SOHLH2: variants seen among roughly 807,000 people sequenced by gnomAD.
The protein encoded by SOHLH2 is spermatogenesis and oogenesis specific basic helix-loop-helix 2.
A neutral mutation model predicts 50.4 loss-of-function variants in SOHLH2; 22 were observed. The observed-to-expected ratio is 0.44, with a 90% CI of 0.31 to 0.62. SOHLH2 has a LOEUF of 0.62. SOHLH2 is among the 20% of genes least tolerant of loss of function. The probability of loss-of-function intolerance (pLI) is 0.08; values close to 1 mark genes in which losing one functional copy is unlikely to be tolerated. For synonymous variants in SOHLH2, 185 were observed against 187.3 expected, an observed-to-expected ratio of 0.99 and a Z score of 0.10; for missense variants, 412 against 504.4, an observed-to-expected ratio of 0.82 and a Z score of 1.76.
chr13:36,197,639 T>C (rs1476298033), intron 2 of SOHLH2, among the ~76,000 whole-genome samples: 2 of 152,212 alleles, frequency 1.3e-5, no homozygotes, highest in Non-Finnish European at 2.9e-5. Flanking sequence ...TTACCCACTA[T>C]TCTGTCCGTG....
At chr13:36,205,567 T>G (rs1054094807) in intron 1 of SOHLH2, among the ~76,000 whole-genome samples, 1 of 152,140 alleles carries the variant, frequency 6.6e-6, no homozygotes, top group Admixed American at 6.5e-5. Context: ...TTTCCTAATG[T>G]CAAGCCATCA....
chr13:36,182,757 T>A (rs1887292649), intron 6 of SOHLH2: 1 of 152,270 alleles, frequency 6.6e-6, no homozygotes. Context: ...AATCATGAGA[T>A]ATGATAAACA....
Position 36,201,865 on chromosome 13 carries a change from C to T in SOHLH2, c.263+14G>A. ...TGATTCTAAAGATACAGCATCAAGG[C>T]TTTTGAAGTTTACCTAATTAACTTG... is the stretch of plus-strand genomic sequence containing the variant. On this transcript the variant is annotated intron_variant, in intron 2 of 10. Transcript: ENST00000379881. 6.2e-7 allele frequency: 1 copy of T among 1,613,966 alleles called. No homozygotes were observed. The highest frequency in any genetic ancestry group is 1.3e-5 in the African/African-American group (1 of 75,028).
intron 2 of SOHLH2, among the ~76,000 whole-genome samples, chr13:36,194,078 A>C (rs1175058632): frequency 6.6e-6 from 1 of 151,978 alleles, no homozygotes; most frequent in African/African-American, 2.4e-5. Flanking sequence ...ATGAAAAAAA[A>C]AAGCCTAAAC....
At chr13:36,193,301 A>G (rs575609932) in intron 4 of SOHLH2, among the ~76,000 whole-genome samples, 1 of 152,326 alleles carries the variant, frequency 6.6e-6, no homozygotes, top group East Asian at 1.9e-4. Context: ...TGGCTTTTAG[A>G]TAATCACACA....
intron 6 of SOHLH2, chr13:36,182,121 G>T: frequency 1.0e-6 from 1 of 985,336 alleles, no homozygotes. Context: ...AGAAAAAAGT[G>T]TCCTTGTACT....
chr13:36,182,169 G>C, intron 6 of SOHLH2: 1 of 985,360 alleles, frequency 1.0e-6, no homozygotes, highest in Non-Finnish European at 1.2e-6. Context: ...GACTGAGTGG[G>C]GAAATGCAGG....
chr13:36,209,208 A>G (rs1868961969), intron 1 of SOHLH2, among the ~76,000 whole-genome samples: 1 of 152,086 alleles, frequency 6.6e-6, no homozygotes, highest in African/African-American at 2.4e-5. Flanking sequence ...ATTTTTTTAT[A>G]TAATTTCAAT....
chr13:36,185,101 T>C (rs1429920673), intron 6 of SOHLH2, among the ~76,000 whole-genome samples: 1 of 152,256 alleles, frequency 6.6e-6, no homozygotes, highest in Non-Finnish European at 1.5e-5. Flanking sequence ...GGACATGAAC[T>C]CATTCTTTGT....
At chr13:36,180,646 T>TG (rs1368885980) in intron 6 of SOHLH2, among the ~76,000 whole-genome samples, 5 of 151,504 alleles carry the variant, frequency 3.3e-5, no homozygotes, top group Admixed American at 2.6e-4. Context: ...CTTAGAAGTT[T>TG]TTTTTTTTTT....
intron 6 of SOHLH2, among the ~76,000 whole-genome samples, chr13:36,180,843 T>C (rs1202404596): frequency 1.3e-5 from 2 of 152,172 alleles, no homozygotes; most frequent in Admixed American, 6.6e-5. Context: ...AGGAGTCTTC[T>C]GCTGCAGTTG....
chr13:36,190,250 T>C (rs1348201283), intron 5 of SOHLH2, among the ~76,000 whole-genome samples, 194 bp from the exon 6 acceptor site: 1 of 152,190 alleles, frequency 6.6e-6, no homozygotes, highest in African/African-American at 2.4e-5. Context: ...CAAAAGAATA[T>C]ATTATCAAAA....
intron 6 of SOHLH2, among the ~76,000 whole-genome samples, chr13:36,176,198 A>G (rs1233281453): frequency 6.6e-6 from 1 of 152,188 alleles, no homozygotes; most frequent in Non-Finnish European, 1.5e-5. Flanking sequence ...GCCTAGGAAA[A>G]AAGACTGAAG....
At chr13:36,172,040 T>C (rs1303981691) in intron 9 of SOHLH2, among the ~76,000 whole-genome samples, 1 of 152,138 alleles carries the variant, frequency 6.6e-6, no homozygotes, top group Admixed American at 6.5e-5. Flanking sequence ...TGTATTTACA[T>C]CAAATAAAAA....
chr13:36,180,439 C>G (rs144848316), intron 6 of SOHLH2, among the ~76,000 whole-genome samples: 180 of 152,250 alleles, frequency 1.2e-3, no homozygotes, highest in African/African-American at 4.3e-3. Flanking sequence ...TTGTAGTTTA[C>G]TTAAAAACTT....
intron 1 of SOHLH2, among the ~76,000 whole-genome samples, chr13:36,209,640 C>T (rs1218353061): frequency 1.3e-5 from 2 of 152,172 alleles, no homozygotes; most frequent in African/African-American, 2.4e-5. Flanking sequence ...CACCTGCTAA[C>T]GCCATCACCT....
In SOHLH2 at chr13:36,172,273, A is replaced by G. The variant is rs1886980363; in HGVS notation, c.1000+1419T>C. ...GTATGTACAAAAAAATAACATTGAC[A>G]GGCATATGCCTGTGGCCTGATCTCT... On this transcript the variant is annotated intron_variant, in intron 9 of 10. Coordinates refer to ENST00000379881, the MANE Select transcript of SOHLH2 (RefSeq NM_017826.3). 1.3e-5 allele frequency among the ~76,000 whole-genome samples: 2 copies of G among 152,256 alleles called. 1 individual carries two copies. The highest frequency in any genetic ancestry group is 4.1e-4 in the South Asian group (2 of 4,834).
At chr13:36,190,486 A>T (rs972102642) in intron 5 of SOHLH2, among the ~76,000 whole-genome samples, 1 of 152,206 alleles carries the variant, frequency 6.6e-6, no homozygotes, top group Non-Finnish European at 1.5e-5. Context: ...CCTCCATTTT[A>T]AAATTTGTCA....
intron 10 of SOHLH2, among the ~76,000 whole-genome samples, chr13:36,169,462 AT>A (rs1886904285): frequency 6.6e-6 from 1 of 152,154 alleles, no homozygotes; most frequent in Admixed American, 6.6e-5. Context: ...TATTATTCCC[AT>A]TTTATAGATG....
Sources: gnomAD v4.1 joint callset for allele counts (sites outside exome capture counted in the v4.1 genomes callset) on GRCh38, gnomAD v4.1.1 for gene constraint, MANE v1.5 for transcripts, NCBI Gene and HGNC (gene_info 2026-07-23, HGNC 2026-07-21) for gene names.